Variants in PCDHGB4 observed in about 807,000 individuals in gnomAD.
The protein encoded by PCDHGB4 is protocadherin gamma-B4.
In PCDHGB4, 38 loss-of-function variants were observed where a neutral mutation model predicts 60.5. That is an observed-to-expected ratio of 0.63 (90% CI 0.48 to 0.82). The LOEUF is 0.82. PCDHGB4 is among the 40% of genes least tolerant of loss of function. The probability of loss-of-function intolerance (pLI) is 0.00; values close to 1 mark genes in which losing one functional copy is unlikely to be tolerated. For missense variants in PCDHGB4, 1,109 were observed against 1,209.6 expected, an observed-to-expected ratio of 0.92 and a Z score of 1.23; for synonymous variants, 456 against 509.7, an observed-to-expected ratio of 0.89 and a Z score of 1.42.
chr5:141,503,400 A>C (rs2099819725), intron 2 of PCDHGB4, among the ~76,000 whole-genome samples: 1 of 151,750 alleles, frequency 6.6e-6, no homozygotes, highest in Non-Finnish European at 1.5e-5. Context: ...TTCGAAACCA[A>C]CCTGGCCAAT....
chr5:141,422,656 G>A (rs759548203), intron 1 of PCDHGB4: 3 of 1,609,780 alleles, frequency 1.9e-6, no homozygotes, highest in Non-Finnish European at 1.7e-6. Context: ...CTCAGTGACC[G>A]CCCTCGACCC....
At chr5:141,481,216 G>T (rs2099534005) in intron 1 of PCDHGB4, among the ~76,000 whole-genome samples, 3 of 152,110 alleles carry the variant, frequency 2.0e-5, no homozygotes, top group Admixed American at 6.5e-5. Flanking sequence ...ACATGGTAAG[G>T]TCTCCCAGCC....
chr5:141,455,400 C>G (rs537466326), intron 1 of PCDHGB4, among the ~76,000 whole-genome samples: 8 of 152,274 alleles, frequency 5.3e-5, no homozygotes, highest in Admixed American at 5.2e-4. Context: ...CTCCCCCTTA[C>G]AGAGACAGAG....
chr5:141,423,327 A>C, intron 1 of PCDHGB4: 1 of 1,614,100 alleles, frequency 6.2e-7, no homozygotes, highest in Non-Finnish European at 8.5e-7. Context: ...CGGTGGCCGC[A>C]GTCTCCTGCA....
chr5:141,462,486 G>A (rs62379193), intron 1 of PCDHGB4, among the ~76,000 whole-genome samples: 5,124 of 152,042 alleles, frequency 0.034, 100 homozygotes, highest in Middle Eastern at 0.088. Flanking sequence ...CGTGGTTGTT[G>A]TATCCTATAA....
In PCDHGB4 at chr5:141,390,222, G is replaced by C. The variant is rs758225583; in HGVS notation, c.2338G>C (p.Gly780Arg). 2 of 1,614,022 alleles carry C rather than the reference G, an allele frequency of 1.2e-6. No homozygotes were observed. Among genetic ancestry groups the C allele is most frequent in the Admixed American group, 3.3e-5 (2 of 60,024 alleles). Residue 780 changes from glycine to arginine, a missense_variant, in exon 1 of 4, where the codon GGT becomes CGT. Gly to Arg is a moderately radical substitution (Grantham distance 125, BLOSUM62 -2). This residue lies in a region of PCDHGB4 where 1,068 missense variants were observed against 1,089.9 expected (regional missense o/e 0.98). Transcript: ENST00000519479. ...QLSSGQDILC[G>R]DSSGALFPLC... The stretch of plus-strand genomic sequence containing the variant: ...GAGTTCAGGACAAGACATACTTTGC[G>C]GTGATTCATCTGGGGCCTTATTTCC...
At chr5:141,436,950 C>A (rs894702404) in intron 1 of PCDHGB4, among the ~76,000 whole-genome samples, 3 of 152,138 alleles carry the variant, frequency 2.0e-5, no homozygotes, top group African/African-American at 7.2e-5. Flanking sequence ...ATAGTGAAAT[C>A]TAAACAAGGA....
intron 1 of PCDHGB4, among the ~76,000 whole-genome samples, chr5:141,435,232 G>A (rs1317217213): frequency 6.6e-6 from 1 of 152,062 alleles, no homozygotes; most frequent in Non-Finnish European, 1.5e-5. Context: ...TCAAAGTTCA[G>A]TAATTCTTTC....
chr5:141,410,976 C>G (rs750121743), intron 1 of PCDHGB4: 28 of 178,158 alleles, frequency 1.6e-4, no homozygotes, highest in Non-Finnish European at 2.6e-4. Context: ...GCCTCAGCCT[C>G]CCAAGTAGCT....
At position 141,476,318 on chromosome 5, in the gene PCDHGB4, G is replaced by A. The variant is rs767809530; in HGVS notation, c.2398-18489G>A. ...TAGCCTCTCAGCCCGCAGGTTCCGG[G>A]TGGTGTCTGGAGCTAGCCGAAGATT... is the stretch of plus-strand genomic sequence containing the variant. On this transcript the variant is annotated intron_variant, in intron 1 of 3. Coordinates refer to ENST00000519479, the MANE Select transcript of PCDHGB4 (RefSeq NM_003736.4). This position sits in a 1 kb window ranked among gnomAD's most constrained non-coding sequence, Gnocchi z 7.6. The A allele has an allele frequency of 6.2e-6, 10 of 1,614,084 alleles. No homozygotes were observed. Among genetic ancestry groups the A allele is most frequent in the Non-Finnish European group, 7.6e-6 (9 of 1,180,060 alleles).
intron 1 of PCDHGB4, chr5:141,408,074 C>T: frequency 7.2e-7 from 1 of 1,395,302 alleles, no homozygotes; most frequent in Non-Finnish European, 9.5e-7. Context: ...CAGACCTTTC[C>T]CAGCACAGCG....
At chr5:141,408,479 G>A in intron 1 of PCDHGB4, 1 of 1,614,074 alleles carries the variant, frequency 6.2e-7, no homozygotes, top group Non-Finnish European at 8.5e-7. Flanking sequence ...AATAGACCGT[G>A]AGCAAATATG....
At position 141,485,049 on chromosome 5, in the gene PCDHGB4, G is replaced by A; in HGVS notation, c.2398-9758G>A. The A allele has an allele frequency of 1.3e-6, 1 of 780,438 alleles. No individual in the cohort carries two copies. 48.3% of individuals were successfully genotyped at this position (780,438 alleles called of 1,614,324 possible). ...AACGGCGCGTAACCCTTGCGGCGCC[G>A]GCCGAACCGCGCCAGAGCTGGCGCG... On this transcript the variant is annotated intron_variant, in intron 1 of 3. Coordinates refer to ENST00000519479, the MANE Select transcript of PCDHGB4 (RefSeq NM_003736.4). This position sits in a 1 kb window ranked among gnomAD's most constrained non-coding sequence, Gnocchi z 5.7.
intron 1 of PCDHGB4, chr5:141,419,330 C>T: frequency 1.2e-6 from 2 of 1,613,956 alleles, no homozygotes; most frequent in South Asian, 1.1e-5. Flanking sequence ...CTCCTACTCT[C>T]TCATTGCCAG....
intron 2 of PCDHGB4, among the ~76,000 whole-genome samples, chr5:141,497,920 C>T (rs548251626): frequency 6.6e-6 from 1 of 152,336 alleles, no homozygotes; most frequent in East Asian, 1.9e-4. Flanking sequence ...CTCCTTCATT[C>T]ATTCAACAAA....
At chr5:141,500,699 A>G (rs780869966) in intron 2 of PCDHGB4, among the ~76,000 whole-genome samples, 1 of 152,156 alleles carries the variant, frequency 6.6e-6, no homozygotes, top group Non-Finnish European at 1.5e-5. Context: ...TCTTCTTTGC[A>G]GTGTATCATG....
chr5:141,485,497 T>C lies in PCDHGB4; in HGVS notation c.2398-9310T>C, dbSNP rs1594488328. On this transcript the variant is annotated intron_variant, in intron 1 of 3. Coordinates refer to ENST00000519479, the MANE Select transcript of PCDHGB4 (RefSeq NM_003736.4). The surrounding 1 kb of genome is among the most constrained non-coding windows in gnomAD (Gnocchi z 5.7). ...CCAGCTGCATCGTGCCCCTGGAGTT[T>C]GTCACCGAAGGTCCTTTGGAAATGT... 6.2e-7 allele frequency: 1 copy of C among 1,614,112 alleles called. No homozygotes were observed. The highest frequency in any genetic ancestry group is 1.3e-5 in the African/African-American group (1 of 74,998).
In PCDHGB4 at chr5:141,398,664, A is replaced by G. The variant is rs762356100; in HGVS notation, c.2397+8383A>G. The G allele has an allele frequency of 4.3e-6, 7 of 1,612,604 alleles. No individual in the cohort carries two copies. In the East Asian group the frequency reaches 8.9e-5, roughly 21 times the overall value. ...AACTCTCTCTTAACCCAAGTTTCTC[A>G]TTAATAATTAAGGAGAAACAGGATG... On this transcript the variant is annotated intron_variant, in intron 1 of 3. Transcript: ENST00000519479.
intron 1 of PCDHGB4, chr5:141,428,769 T>A (rs1367357065): frequency 6.5e-6 from 1 of 154,242 alleles, no homozygotes; most frequent in Non-Finnish European, 1.4e-5. Flanking sequence ...TTGCCCACTC[T>A]TAATATTTCC....
Sources: gnomAD v4.1 joint callset for allele counts (sites outside exome capture counted in the v4.1 genomes callset) on GRCh38, gnomAD v4.1.1 for gene constraint, gnomAD v4.1.1 regional missense constraint, Gnocchi (gnomAD v3.1) non-coding constraint, MANE v1.5 for transcripts, NCBI Gene and HGNC (gene_info 2026-07-23, HGNC 2026-07-21) for gene names.